Variants in NPAT observed in about 807,000 individuals in gnomAD.
The protein encoded by NPAT is protein NPAT.
A neutral mutation model predicts 130.7 loss-of-function variants in NPAT; 52 were observed. The observed-to-expected ratio is 0.40, with a 90% confidence interval of 0.32 to 0.50. NPAT has a LOEUF of 0.50. NPAT is among the 20% of genes least tolerant of loss of function. The pLI, the probability that NPAT is intolerant of heterozygous loss-of-function variation, is 0.68. For missense variants in NPAT, 1,687 were observed against 1,662.6 expected, an observed-to-expected ratio of 1.01 and a Z score of -0.26; for synonymous variants, 580 against 584.8, an observed-to-expected ratio of 0.99 and a Z score of 0.12.
intron 1 of NPAT, among the ~76,000 whole-genome samples, chr11:108,220,316 T>C (rs1440028943): frequency 1.3e-5 from 2 of 152,234 alleles, no homozygotes; most frequent in Non-Finnish European, 2.9e-5. Context: ...GAATTCATTG[T>C]TCTTTGAATA....
chr11:108,188,524 G>A (rs1012209487), intron 6 of NPAT, among the ~76,000 whole-genome samples: 1 of 152,182 alleles, frequency 6.6e-6, no homozygotes, highest in Non-Finnish European at 1.5e-5. Flanking sequence ...AATTTTAGCT[G>A]CACAGAAAGA....
chr11:108,171,999 C>G, intron 13 of NPAT, 200 bp downstream of exon 13: 1 of 587,442 alleles, frequency 1.7e-6, no homozygotes, highest in South Asian at 2.1e-5. Flanking sequence ...ACCACTAAAG[C>G]CCATAGCTTA....
intron 1 of NPAT, among the ~76,000 whole-genome samples, chr11:108,197,793 G>A (rs562216128): frequency 3.3e-5 from 5 of 152,296 alleles, no homozygotes; most frequent in African/African-American, 1.2e-4. Flanking sequence ...TGCGTTATCA[G>A]AAAACTATGT....
intron 2 of NPAT, among the ~76,000 whole-genome samples, chr11:108,194,392 C>T (rs1393714526): frequency 2.6e-5 from 4 of 152,164 alleles, no homozygotes; most frequent in Non-Finnish European, 4.4e-5. Context: ...AACCCAACAC[C>T]ACTGGTTTCA....
At chr11:108,162,927 A>G (rs1384336364) in intron 15 of NPAT, among the ~76,000 whole-genome samples, 1 of 152,204 alleles carries the variant, frequency 6.6e-6, no homozygotes, top group African/African-American at 2.4e-5. Context: ...TAATAGCCAT[A>G]TTTTAATTTC....
chr11:108,158,656 G>T lies in NPAT; in HGVS notation c.*286C>A. The T allele has an allele frequency of 3.2e-6, 1 of 310,010 alleles. No homozygotes were observed. Among genetic ancestry groups the T allele is most frequent in the East Asian group, 7.9e-5 (1 of 12,652 alleles). 19.2% of individuals were successfully genotyped at this position (310,010 alleles called of 1,614,324 possible). Reference sequence around the variant, plus strand: ...GTTGATTTAACCTCTATTTCAACAAGATTTACACAGTATTTACAATATGGA... The same window carrying T: ...GTTGATTTAACCTCTATTTCAACAATATTTACACAGTATTTACAATATGGA... On this transcript the variant is annotated 3_prime_UTR_variant, in exon 18 of 18. Coordinates refer to ENST00000278612, the MANE Select transcript of NPAT (RefSeq NM_002519.3).
At chr11:108,165,000 ACT>A (rs1478697611) in intron 15 of NPAT, among the ~76,000 whole-genome samples, 1 of 152,010 alleles carries the variant, frequency 6.6e-6, no homozygotes, top group Non-Finnish European at 1.5e-5. Context: ...CAAGAGTAAG[ACT>A]CTGTCTCAAA....
intron 1 of NPAT, among the ~76,000 whole-genome samples, chr11:108,215,293 A>G (rs528472467): frequency 6.6e-6 from 1 of 152,290 alleles, no homozygotes; most frequent in Non-Finnish European, 1.5e-5. Context: ...AGTATTTGTT[A>G]GCTACTGAAA....
intron 12 of NPAT, among the ~76,000 whole-genome samples, chr11:108,174,761 C>T (rs932503928): frequency 4.6e-5 from 7 of 151,476 alleles, no homozygotes; most frequent in South Asian, 2.1e-4. Flanking sequence ...ATCACAGGTG[C>T]GCGCCAGCCA....
chr11:108,197,406 C>G lies in NPAT; in HGVS notation c.52G>C (p.Glu18Gln). The change falls in exon 2 of 18, where the codon GAA becomes CAA. Residue 18 changes from glutamate to glutamine, a missense_variant. Physicochemically the swap from Glu to Gln is conservative, Grantham distance 29. Transcript: ENST00000278612. ...ARLVLGYLQQ[E>Q]NLISTCQTFI... ...GTCTGGCAGGTAGAAATGAGGTTTT[C>G]TTGCTGTAAGTAACCTAAATAAAAA... 1 of 1,606,640 alleles carries G rather than the reference C, an allele frequency of 6.2e-7. No individual in the cohort carries two copies. The highest frequency in any genetic ancestry group is 1.7e-5 in the Admixed American group (1 of 59,986).
intron 10 of NPAT, among the ~76,000 whole-genome samples, chr11:108,178,649 G>C (rs780270792): frequency 2.6e-5 from 4 of 152,190 alleles, no homozygotes; most frequent in Non-Finnish European, 5.9e-5. Flanking sequence ...CTTGAGGTCA[G>C]GAGTTCGAGA....
At chr11:108,220,285 G>A (rs1321874591) in intron 1 of NPAT, among the ~76,000 whole-genome samples, 2 of 152,208 alleles carry the variant, frequency 1.3e-5, no homozygotes, top group East Asian at 3.8e-4. Context: ...TAAAAGGTAG[G>A]TGAAGAACAG....
chr11:108,208,452 G>C, intron 1 of NPAT: 1 of 456,044 alleles, frequency 2.2e-6, no homozygotes, highest in Non-Finnish European at 4.4e-6. Context: ...GCTGGGCTTG[G>C]TGGTGTGCAC....
intron 7 of NPAT, 92 bp from the exon 8 acceptor site, chr11:108,186,661 A>G (rs1171041838): frequency 2.9e-6 from 3 of 1,033,252 alleles, no homozygotes; most frequent in Admixed American, 1.9e-5. Flanking sequence ...TAAGATCACC[A>G]TAACAGAACA....
In NPAT at chr11:108,173,530, A is replaced by G. The variant is rs766201570; in HGVS notation, c.1454T>C (p.Ile485Thr). The G allele has an allele frequency of 2.5e-6, 4 of 1,614,062 alleles. No individual in the cohort carries two copies. Among genetic ancestry groups the G allele is most frequent in the Non-Finnish European group, 3.4e-6 (4 of 1,180,026 alleles). ...MSTETEMAIG[I>T]EKNSLSSNVP... Reference sequence around the variant, plus strand: ...ATTTGAAGACAAAGAGTTCTTTTCAATCCCTATAGCCATTTCAGTTTCAGT... The same window carrying G: ...ATTTGAAGACAAAGAGTTCTTTTCAGTCCCTATAGCCATTTCAGTTTCAGT... The change falls in exon 13 of 18, where the codon ATT becomes ACT. Residue 485 changes from isoleucine (I) to threonine (T), a missense_variant. Ile to Thr is a moderately conservative substitution (Grantham distance 89, BLOSUM62 -1). This residue lies in a region of NPAT where 1,379 missense variants were observed against 1,346.6 expected (regional missense o/e 1.02). Transcript: ENST00000278612.
intron 1 of NPAT, among the ~76,000 whole-genome samples, chr11:108,214,042 C>T (rs1160717741): frequency 2.0e-5 from 3 of 152,102 alleles, no homozygotes; most frequent in Admixed American, 1.3e-4. Flanking sequence ...CATGTACCAC[C>T]AAATAAATGC....
intron 17 of NPAT, 119 bp from the exon 18 acceptor site, chr11:108,159,138 T>C (rs2077822438): frequency 1.5e-6 from 1 of 651,676 alleles, no homozygotes; most frequent in East Asian, 2.9e-5. Context: ...CAAACTTTTT[T>C]AGTCTATTAG....
chr11:108,200,864 C>T (rs531238590), intron 1 of NPAT, among the ~76,000 whole-genome samples: 1 of 152,328 alleles, frequency 6.6e-6, no homozygotes, highest in South Asian at 2.1e-4. Context: ...GTTCACAGTC[C>T]TGAACCTAAA....
intron 2 of NPAT, among the ~76,000 whole-genome samples, chr11:108,195,945 G>A (rs879892635): frequency 5.9e-5 from 9 of 152,276 alleles, no homozygotes; most frequent in African/African-American, 1.7e-4. Flanking sequence ...TTCTTCTAAC[G>A]TGCCTCTTGT....
Sources: gnomAD v4.1 joint callset for allele counts (sites outside exome capture counted in the v4.1 genomes callset) on GRCh38, gnomAD v4.1.1 for gene constraint, gnomAD v4.1.1 regional missense constraint, MANE v1.5 for transcripts, NCBI Gene and HGNC (gene_info 2026-07-23, HGNC 2026-07-21) for gene names.